The following RPA1 variants were observed in gnomAD, a reference collection of about 807,000 sequenced individuals.
RPA1 encodes the protein replication protein A1, also known as replication protein A 70 kDa DNA-binding subunit.
In RPA1, 49 loss-of-function variants were observed where a neutral mutation model predicts 83.0. That is an observed-to-expected ratio of 0.59 (90% confidence interval 0.47 to 0.75). The LOEUF is 0.75. Among genes scored for constraint, RPA1 ranks in the 30% least tolerant of loss-of-function variants. The pLI is 0.00. For synonymous variants in RPA1, 279 were observed against 281.8 expected, an observed-to-expected ratio of 0.99 and a Z score of 0.10; for missense variants, 693 against 776.1, an observed-to-expected ratio of 0.89 and a Z score of 1.27.
intron 8 of RPA1, among the ~76,000 whole-genome samples, chr17:1,878,584 C>T (rs776428192): frequency 2.0e-5 from 3 of 152,198 alleles, no homozygotes; most frequent in Non-Finnish European, 4.4e-5. Flanking sequence ...ACTGAGAGGG[C>T]ACTGTGGAGG....
At chr17:1,890,976 C>T (rs930707815) in intron 14 of RPA1, among the ~76,000 whole-genome samples, 5 of 152,146 alleles carry the variant, frequency 3.3e-5, no homozygotes, top group South Asian at 2.1e-4. Context: ...GGTGTGATAC[C>T]GTTGCTGTGT....
At chr17:1,888,575 A>T in intron 13 of RPA1, 100 bp from the exon 14 acceptor site, 1 of 1,161,624 alleles carries the variant, frequency 8.6e-7, no homozygotes, top group Non-Finnish European at 1.2e-6. Context: ...ATGTAGAAAC[A>T]CTTACCACCT....
chr17:1,843,264 A>T (rs545998044), intron 2 of RPA1, among the ~76,000 whole-genome samples: 1 of 151,696 alleles, frequency 6.6e-6, no homozygotes, highest in South Asian at 2.1e-4. Flanking sequence ...CTCAAACTTC[A>T]GTGGGAGTTT....
intron 13 of RPA1, among the ~76,000 whole-genome samples, chr17:1,886,791 C>T (rs997673823): frequency 1.3e-5 from 2 of 150,490 alleles, no homozygotes; most frequent in African/African-American, 4.9e-5. Flanking sequence ...ACCTCAGCCT[C>T]TGGAGTAGCT....
At chr17:1,841,776 C>T (rs369191009) in intron 1 of RPA1, among the ~76,000 whole-genome samples, 12 of 152,138 alleles carry the variant, frequency 7.9e-5, no homozygotes, top group African/African-American at 1.7e-4. Flanking sequence ...TTTTTGTAGA[C>T]GTCAGCTATC....
chr17:1,888,768 G>T lies in RPA1; in HGVS notation c.1468G>T (p.Val490Leu), dbSNP rs780341309. Residue 490 changes from valine to leucine, a missense_variant, in exon 14 of 17, where the codon GTG (valine) becomes TTG (leucine). Val to Leu is a conservative substitution (Grantham distance 32). Coordinates refer to ENST00000254719, the MANE Select transcript of RPA1 (RefSeq NM_002945.5). ...ACPTQDCNKK[V>L]IDQQNGLYRC... Reference sequence around the variant, plus strand: ...CCCGACTCAGGACTGCAATAAGAAAGTGATTGATCAACAGAATGGATTGTA... The same window carrying T: ...CCCGACTCAGGACTGCAATAAGAAATTGATTGATCAACAGAATGGATTGTA... The T allele has an allele frequency of 6.2e-7, 1 of 1,614,216 alleles. No individual in the cohort carries two copies. The highest frequency in any genetic ancestry group is 8.5e-7 in the Non-Finnish European group (1 of 1,180,042).
intron 5 of RPA1, among the ~76,000 whole-genome samples, chr17:1,860,788 A>G (rs1597437713): frequency 6.6e-6 from 1 of 152,190 alleles, no homozygotes; most frequent in Non-Finnish European, 1.5e-5. Flanking sequence ...AATGCCAGAC[A>G]TTGGGATTCG....
chr17:1,838,791 T>C (rs1470473332), intron 1 of RPA1, among the ~76,000 whole-genome samples: 1 of 152,212 alleles, frequency 6.6e-6, no homozygotes, highest in Non-Finnish European at 1.5e-5. Flanking sequence ...GTTCCAGCCC[T>C]GTTTATTGAA....
intron 4 of RPA1, among the ~76,000 whole-genome samples, chr17:1,846,610 G>A (rs1229096721): frequency 6.6e-6 from 1 of 152,086 alleles, no homozygotes; most frequent in Non-Finnish European, 1.5e-5. Context: ...GTGAGCCACC[G>A]TGGCCGGCCG....
intron 14 of RPA1, among the ~76,000 whole-genome samples, chr17:1,891,474 C>T (rs1471296849): frequency 9.0e-6 from 1 of 111,662 alleles, no homozygotes; most frequent in Non-Finnish European, 2.4e-5. Flanking sequence ...GGCTGGAGTG[C>T]AGTGGCTCGA....
In RPA1 at chr17:1,844,646, C is replaced by T. The variant is rs1912190128; in HGVS notation, c.232C>T (p.Gln78Ter). The T allele has an allele frequency of 1.2e-6, 2 of 1,613,514 alleles. No individual in the cohort carries two copies. Among genetic ancestry groups the T allele is most frequent in the African/African-American group, 2.7e-5 (2 of 74,888 alleles). The part of the protein sequence containing the change: ...EEQLSSNCVC[Q>*]IHRFIVNTLK... ...ACAATTGTCCAGCAACTGTGTATGC[C>T]AGATTCACAGATTTATTGTGAACAC... Residue 78 changes from glutamine to a stop codon, truncating the protein, a stop_gained, in exon 4 of 17, where the codon CAG (glutamine) becomes TAG (stop). Transcript: ENST00000254719. LOFTEE classifies it high-confidence loss of function.
chr17:1,877,344 G>A (rs1224615671), intron 8 of RPA1, 30 bp downstream of exon 8: 2 of 1,594,992 alleles, frequency 1.3e-6, no homozygotes, highest in African/African-American at 2.7e-5. Context: ...GGGAGTGAGG[G>A]CAGTGGGCTC....
In RPA1 at chr17:1,900,075, T is replaced by A. The variant is rs1914593423; in HGVS notation, c.*2900T>A. The A allele has an allele frequency of 6.7e-6, 1 of 149,876 alleles. No individual in the cohort carries two copies. Among genetic ancestry groups the A allele is most frequent in the African/African-American group, 2.5e-5 (1 of 40,800 alleles). The allele number at this position is 149,876 out of a possible 1,614,324, so 9.3% of individuals were successfully genotyped here. A position where few individuals can be genotyped will look rare whatever the true frequency, so the allele number is the denominator to read the frequency against. The stretch of plus-strand genomic sequence containing the variant: ...TTCAAAAAAACTGGTATTTTTGTTA[T>A]TAAGACATTAAGTAAATGTTTAAGA... On this transcript the variant is annotated 3_prime_UTR_variant, in exon 17 of 17. Transcript: ENST00000254719.
rs1173436195 is a variant in RPA1 at position 1,898,679 on chromosome 17, G to A, written c.*1504G>A. On this transcript the variant is annotated 3_prime_UTR_variant, in exon 17 of 17. Transcript: ENST00000254719. ...GCCAGCCCTAGACGGGATGACTTCC[G>A]TTCCTGAGGACAGACACAGAGGGAC... The A allele has an allele frequency of 1.3e-5, 2 of 152,200 alleles. No individual in the cohort carries two copies. The highest frequency in any genetic ancestry group is 2.9e-5 in the Non-Finnish European group (2 of 68,050). 9.4% of individuals were successfully genotyped at this position (152,200 alleles called of 1,614,324 possible). A position where few individuals can be genotyped will look rare whatever the true frequency, so the allele number is the denominator to read the frequency against.
intron 5 of RPA1, among the ~76,000 whole-genome samples, chr17:1,862,888 T>C (rs7220402): frequency 0.37 from 56,167 of 150,572 alleles, 12,718 homozygotes; most frequent in Non-Finnish European, 0.53. Flanking sequence ...CAGCTAATTT[T>C]TGTATTTTTA....
chr17:1,849,146 G>GT (rs1912376119), intron 4 of RPA1, among the ~76,000 whole-genome samples: 1 of 152,120 alleles, frequency 6.6e-6, no homozygotes, highest in Non-Finnish European at 1.5e-5. Context: ...CCAACAGCGC[G>GT]TGAGTGTGGA....
chr17:1,831,509 A>G (rs1319266389), intron 1 of RPA1, among the ~76,000 whole-genome samples: 1 of 151,424 alleles, frequency 6.6e-6, no homozygotes, highest in Admixed American at 6.6e-5. Flanking sequence ...GCATACTCTC[A>G]GCCTACCTCT....
At chr17:1,851,195 A>C (rs1208686863) in intron 4 of RPA1, among the ~76,000 whole-genome samples, 1 of 152,176 alleles carries the variant, frequency 6.6e-6, no homozygotes, top group African/African-American at 2.4e-5. Context: ...AAAAGACACT[A>C]TCCCATTTCA....
intron 14 of RPA1, 112 bp from the exon 15 acceptor site, chr17:1,891,721 C>A: frequency 2.8e-6 from 2 of 719,474 alleles, no homozygotes; most frequent in South Asian, 2.2e-5. Flanking sequence ...GCACCTGGCC[C>A]TCTCTGGAAA....
Sources: gnomAD v4.1 joint callset for allele counts (sites outside exome capture counted in the v4.1 genomes callset) on GRCh38, gnomAD v4.1.1 for gene constraint, MANE v1.5 for transcripts, NCBI Gene and HGNC (gene_info 2026-07-23, HGNC 2026-07-21) for gene names.